Variants in ARHGEF11 observed in about 807,000 individuals in gnomAD.
The protein encoded by ARHGEF11 is Rho guanine exchange factor (GEF) 11.
ARHGEF11 carries 55 observed loss-of-function variants against 193.7 expected under a neutral mutation model. That is an observed-to-expected ratio of 0.28 (90% CI 0.23 to 0.36). The LOEUF (loss-of-function observed/expected upper bound fraction) is 0.36. ARHGEF11 is among the 10% of genes least tolerant of loss of function. The probability of loss-of-function intolerance (pLI) is 1.00; values close to 1 mark genes in which losing one functional copy is unlikely to be tolerated. For missense variants in ARHGEF11, 1,723 were observed against 2,005.6 expected (o/e 0.86, Z 2.69); for synonymous variants, 693 against 768.0 (o/e 0.90, Z 1.62).
intron 7 of ARHGEF11, among the ~76,000 whole-genome samples, chr1:156,976,323 CCATT>C (rs1232262014): frequency 6.6e-6 from 1 of 152,018 alleles, no homozygotes; most frequent in Non-Finnish European, 1.5e-5. Context: ...CCCATATTTC[CCATT>C]ATTAATTAAT....
chr1:156,949,474 T>C (rs980410470), intron 22 of ARHGEF11, among the ~76,000 whole-genome samples: 1 of 152,184 alleles, frequency 6.6e-6, no homozygotes. Flanking sequence ...GCACAGCAGG[T>C]TGCTGCAATG....
chr1:156,994,104 A>C (rs1666142338), intron 1 of ARHGEF11, among the ~76,000 whole-genome samples: 1 of 152,216 alleles, frequency 6.6e-6, no homozygotes, highest in African/African-American at 2.4e-5. Flanking sequence ...TCATCAGTCT[A>C]TCATCTTTCT....
At chr1:156,970,070 G>A in intron 8 of ARHGEF11, 27 bp from the exon 9 acceptor site, 1 of 1,610,106 alleles carries the variant, frequency 6.2e-7, no homozygotes, top group Non-Finnish European at 8.5e-7. Flanking sequence ...CACAGGGTGG[G>A]CAAATTCTGT....
In ARHGEF11 at chr1:156,946,713, C is replaced by T. The variant is rs199931991; in HGVS notation, c.2643G>A (p.Glu881=). The T allele has an allele frequency of 1.9e-6, 3 of 1,614,244 alleles. No individual in the cohort carries two copies. Among genetic ancestry groups the T allele is most frequent in the Non-Finnish European group, 2.5e-6 (3 of 1,180,054 alleles). The part of the protein sequence containing the change: ...QFCSYQSIAL[E]LIKTKQRKES... ...CCTTGCGTTGCTTGGTCTTGATTAGCTCTAGGGCTATTGACTGATAGGAAC... is the reference window on the plus strand; with the variant it reads ...CCTTGCGTTGCTTGGTCTTGATTAGTTCTAGGGCTATTGACTGATAGGAAC... The change falls in exon 28 of 41, where the codon GAG becomes GAA. Residue 881 remains glutamate (E), a synonymous_variant. Coordinates refer to ENST00000368194, the MANE Select transcript of ARHGEF11 (RefSeq NM_198236.3).
chr1:156,963,359 T>C, intron 12 of ARHGEF11, 55 bp from the exon 13 acceptor site: 1 of 1,551,256 alleles, frequency 6.4e-7, no homozygotes. Flanking sequence ...GCACAGCGGG[T>C]TCCAGCTTAG....
intron 39 of ARHGEF11, 47 bp from the exon 40 acceptor site, chr1:156,937,052 A>T: frequency 6.3e-7 from 1 of 1,596,088 alleles, no homozygotes; most frequent in Non-Finnish European, 8.6e-7. Context: ...TTCTATTCCT[A>T]AGGCCCCTGG....
chr1:156,969,913 G>T, intron 9 of ARHGEF11, 85 bp downstream of exon 9: 1 of 1,360,776 alleles, frequency 7.3e-7, no homozygotes, highest in Non-Finnish European at 1.0e-6. Context: ...TTTCTTTCCT[G>T]GAATCTGCCC....
Position 156,976,339 on chromosome 1 carries a change from T to A in ARHGEF11, c.582+644A>T, listed in dbSNP as rs186342680. 2.6e-5 allele frequency among the ~76,000 whole-genome samples: 4 copies of A among 152,280 alleles called. No individual in the cohort carries two copies. The East Asian group carries it at 7.7e-4, about 29-fold the overall frequency. On this transcript the variant is annotated intron_variant, in intron 7 of 40. Coordinates refer to ENST00000368194, the MANE Select transcript of ARHGEF11 (RefSeq NM_198236.3). ...CCATATTTCCCATTATTAATTAATT[T>A]TTCTCTTCTTTGTTCTCTTATTGTA...
intron 36 of ARHGEF11, 87 bp downstream of exon 36, chr1:156,940,120 G>T: frequency 6.9e-7 from 1 of 1,456,750 alleles, no homozygotes; most frequent in Non-Finnish European, 9.2e-7. Flanking sequence ...GAGCCTTCGG[G>T]AAGGTGGAGG....
In ARHGEF11 at chr1:156,948,044, C is replaced by T; in HGVS notation, c.2154-88G>A. The T allele has an allele frequency of 1.3e-6, 2 of 1,551,008 alleles. No homozygotes were observed. Among genetic ancestry groups the T allele is most frequent in the East Asian group, 2.3e-5 (1 of 43,504 alleles). ...CTCCCTCTCCTGCCCGACCTGCTTG[C>T]CCCATGCACATGGGAAACCAGTGGG... On this transcript the variant is annotated intron_variant, in intron 24 of 40. Transcript: ENST00000368194. The surrounding 1 kb of genome is among the most constrained non-coding windows in gnomAD (Gnocchi z 4.2).
In ARHGEF11 at chr1:156,977,114, T is replaced by C. The variant is rs1663377210; in HGVS notation, c.511-60A>G. ...GGACTAACTCAACAGCTTAGCTCTC[T>C]TCTATCTGCTGGTTCCTGGGCAAGG... On this transcript the variant is annotated intron_variant, in intron 6 of 40. Coordinates refer to ENST00000368194, the MANE Select transcript of ARHGEF11 (RefSeq NM_198236.3). 6.3e-6 allele frequency: 9 copies of C among 1,425,768 alleles called. No homozygotes were observed. The South Asian group carries it at 1.0e-4, about 16-fold the overall frequency. The allele number at this position is 1,425,768 out of a possible 1,614,324, so 88.3% of individuals were successfully genotyped here.
chr1:157,046,540 G>T (rs1489818740), upstream of ARHGEF11, among the ~76,000 whole-genome samples: 1 of 152,096 alleles, frequency 6.6e-6, no homozygotes, highest in Non-Finnish European at 1.5e-5. Context: ...CGTTTCTGTG[G>T]TCCTTCCCAC....
chr1:156,956,040 G>A (rs1389826225), intron 19 of ARHGEF11, among the ~76,000 whole-genome samples: 1 of 152,222 alleles, frequency 6.6e-6, no homozygotes, highest in African/African-American at 2.4e-5. Context: ...CCAGAGACCT[G>A]CAAAACGGCT....
At position 156,946,083 on chromosome 1, in the gene ARHGEF11, T is replaced by C; in HGVS notation, c.2774A>G (p.Tyr925Cys). The C allele has an allele frequency of 6.2e-7, 1 of 1,613,600 alleles. No homozygotes were observed. Among genetic ancestry groups the C allele is most frequent in the South Asian group, 1.1e-5 (1 of 91,040 alleles). Residue 925 changes from tyrosine (Y) to cysteine (C), a missense_variant, in exon 29 of 41, where the codon TAC becomes TGC. This residue lies in a region of ARHGEF11 where 491 missense variants were observed against 654.5 expected (regional missense o/e 0.75). Transcript: ENST00000368194. Reference sequence around the variant, plus strand: ...GATGATGCTCTCCAGCAGCAGCGGGTACTTGGTGAGCCGCTGCATCTCAGA... The same window carrying C: ...GATGATGCTCTCCAGCAGCAGCGGGCACTTGGTGAGCCGCTGCATCTCAGA... ...IISEMQRLTKYPLLLESIIKH... is the reference protein window; with the variant it reads ...IISEMQRLTKCPLLLESIIKH...
chr1:157,007,913 G>GTTTTTTTTT (rs10580966), intron 1 of ARHGEF11, among the ~76,000 whole-genome samples: 1 of 118,834 alleles, frequency 8.4e-6, no homozygotes. Flanking sequence ...TTTTTTTTTT[G>GTTTTTTTTT]TTTTTTTTTT....
rs575630640 is a variant in ARHGEF11 at position 157,005,460 on chromosome 1, C to T, written c.33-19287G>A. On this transcript the variant is annotated intron_variant, in intron 1 of 40. Coordinates refer to ENST00000368194, the MANE Select transcript of ARHGEF11 (RefSeq NM_198236.3). The stretch of plus-strand genomic sequence containing the variant: ...AACATCCTAAAGGTCTTTTGAACAG[C>T]GACAGCTCAGAGGTCAGAACTGAAG... 1.1e-3 allele frequency among the ~76,000 whole-genome samples: 172 copies of T among 152,238 alleles called. 2 individuals are homozygous for T. The highest frequency in any genetic ancestry group is 2.9e-3 in the Admixed American group (44 of 15,298).
chr1:156,938,856 G>A (rs1306838550), intron 37 of ARHGEF11: 3 of 290,470 alleles, frequency 1.0e-5, no homozygotes, highest in Non-Finnish European at 1.9e-5. Context: ...GTGTGCCCCA[G>A]GCTTTGTTCT....
chr1:157,033,807 C>T (rs1231410366), intron 1 of ARHGEF11, among the ~76,000 whole-genome samples: 1 of 152,144 alleles, frequency 6.6e-6, no homozygotes, highest in East Asian at 1.9e-4. Context: ...TTACTCCAGC[C>T]TAGCTTTTAT....
chr1:157,046,799 A>C (rs1673354217), upstream of ARHGEF11, among the ~76,000 whole-genome samples: 2 of 152,008 alleles, frequency 1.3e-5, no homozygotes. Flanking sequence ...GCCTGAGGTC[A>C]GGAGTTCGAG....
Sources: gnomAD v4.1 joint callset for allele counts (sites outside exome capture counted in the v4.1 genomes callset) on GRCh38, gnomAD v4.1.1 for gene constraint, gnomAD v4.1.1 regional missense constraint, Gnocchi (gnomAD v3.1) non-coding constraint, MANE v1.5 for transcripts, NCBI Gene and HGNC (gene_info 2026-07-23, HGNC 2026-07-21) for gene names.